The following UGT1A4 variants were observed in gnomAD, a reference collection of about 807,000 sequenced individuals.
The protein encoded by UGT1A4 is UDP-glucuronosyltransferase 1A4.
Under a neutral mutation model 41.1 loss-of-function variants are expected in UGT1A4, and 32 were observed. That is an observed-to-expected ratio of 0.78 (90% CI 0.59 to 1.05). The LOEUF (loss-of-function observed/expected upper bound fraction) is 1.05, where lower values mean the gene tolerates loss of function less well. Among genes scored for constraint, UGT1A4 ranks in the 50% least tolerant of loss-of-function variants. UGT1A4 has a pLI of 0.00. For missense variants in UGT1A4, 748 were observed against 677.4 expected (o/e 1.10, Z -1.16); for synonymous variants, 283 against 265.1 (o/e 1.07, Z -0.66).
At chr2:233,735,312 T>C (rs924133662) in intron 1 of UGT1A4, among the ~76,000 whole-genome samples, 9 of 152,172 alleles carry the variant, frequency 5.9e-5, no homozygotes, top group Admixed American at 1.3e-4. Context: ...GTCTGTTTTA[T>C]CAGAGACTAG....
chr2:233,762,430 C>CCATAAA, intron 1 of UGT1A4, among the ~76,000 whole-genome samples: 1 of 152,296 alleles, frequency 6.6e-6, no homozygotes, highest in African/African-American at 2.4e-5. Context: ...AATAGAGTAA[C>CCATAAA]AGTGTATTCC....
At chr2:233,763,651 C>T (rs1168041564) in intron 1 of UGT1A4, among the ~76,000 whole-genome samples, 2 of 152,174 alleles carry the variant, frequency 1.3e-5, no homozygotes, top group Non-Finnish European at 2.9e-5. Context: ...TCTCAATACT[C>T]TTGATAAAAC....
At chr2:233,744,136 G>C (rs1692703742) in intron 1 of UGT1A4, 1 of 352,210 alleles carries the variant, frequency 2.8e-6, no homozygotes, top group East Asian at 7.7e-5. Flanking sequence ...GTGAGGCCCT[G>C]TGATGCTCCA....
chr2:233,763,503 T>C (rs1459749644), intron 1 of UGT1A4, among the ~76,000 whole-genome samples: 1 of 152,236 alleles, frequency 6.6e-6, no homozygotes, highest in Admixed American at 6.5e-5. Flanking sequence ...GTTTACTTTA[T>C]GTTTAGTTGA....
At chr2:233,721,171 T>A (rs2076925263) in intron 1 of UGT1A4, among the ~76,000 whole-genome samples, 1 of 152,236 alleles carries the variant, frequency 6.6e-6, no homozygotes, top group South Asian at 2.1e-4. Context: ...ATTTTTGTTT[T>A]TGATCAAACC....
chr2:233,766,941 CTT>C (rs1181613767), intron 1 of UGT1A4, 91 bp from the exon 2 acceptor site: 3 of 1,595,132 alleles, frequency 1.9e-6, no homozygotes, highest in African/African-American at 2.7e-5. Flanking sequence ...TAATCATAGT[CTT>C]AAGAGGAAGA....
intron 1 of UGT1A4, among the ~76,000 whole-genome samples, chr2:233,751,872 G>A (rs151015857): frequency 1.6e-4 from 24 of 152,228 alleles, no homozygotes; most frequent in African/African-American, 2.2e-4. Context: ...AAATTACCCC[G>A]TCTTGGGTAT....
chr2:233,721,761 G>T (rs1319151225), intron 1 of UGT1A4: 5 of 472,432 alleles, frequency 1.1e-5, no homozygotes, highest in Admixed American at 8.9e-5. Flanking sequence ...CATCTAAATT[G>T]TTATATTTAG....
rs200752387 is a variant in UGT1A4, at chr2:233,752,746, A to AAAACAAAC, written c.868-14269_868-14262dup. On this transcript the variant is annotated intron_variant, in intron 1 of 4. Coordinates refer to ENST00000373409, the MANE Select transcript of UGT1A4 (RefSeq NM_007120.3). ...AGCTACAGAGAGAGACCCTGTCTCT[A>AAAACAAAC]AAACAAACAAACAAACAAACAAACA... Among the ~76,000 whole-genome samples, 41 of 152,308 alleles carry AAAACAAAC rather than the reference A, an allele frequency of 2.7e-4. No individual in the cohort carries two copies. The East Asian group carries it at 7.3e-3, about 27-fold the overall frequency.
chr2:233,720,342 T>A (rs2076852802), intron 1 of UGT1A4, among the ~76,000 whole-genome samples: 1 of 152,074 alleles, frequency 6.6e-6, no homozygotes, highest in African/African-American at 2.4e-5. Context: ...TTGGAAGGTA[T>A]GGTGATGGTT....
At chr2:233,771,027 G>A (rs186703216) in intron 4 of UGT1A4, 2 of 152,078 alleles carry the variant, frequency 1.3e-5, no homozygotes, top group Admixed American at 6.6e-5. Context: ...GAGAGAGTTG[G>A]GGGGGAAGGT....
chr2:233,724,954 C>G lies in UGT1A4; in HGVS notation c.867+5267C>G, dbSNP rs544768388. ...GACTCCGTCTGCAATCCCGGCACCT[C>G]GGGAGGCCGAGGTTGGCGGATCACT... On this transcript the variant is annotated intron_variant, in intron 1 of 4. Coordinates refer to ENST00000373409, the MANE Select transcript of UGT1A4 (RefSeq NM_007120.3). 1.4e-5 allele frequency among the ~76,000 whole-genome samples: 2 copies of G among 143,932 alleles called. 1 individual carries two copies. Among genetic ancestry groups the G allele is most frequent in the East Asian group, 4.2e-4 (2 of 4,760 alleles). 94.4% of individuals were successfully genotyped at this position (143,932 alleles called of 152,430 possible).
At chr2:233,761,893 A>G (rs1304507847) in intron 1 of UGT1A4, among the ~76,000 whole-genome samples, 1 of 152,212 alleles carries the variant, frequency 6.6e-6, no homozygotes, top group African/African-American at 2.4e-5. Context: ...CTTATCCTGC[A>G]AAGATTGGCT....
At position 233,769,924 on chromosome 2, in the gene UGT1A4, G is replaced by A. The variant is rs1699985317; in HGVS notation, c.1307+1485G>A. On this transcript the variant is annotated intron_variant, in intron 4 of 4. Coordinates refer to ENST00000373409, the MANE Select transcript of UGT1A4 (RefSeq NM_007120.3). This position sits in a 1 kb window ranked among gnomAD's most constrained non-coding sequence, Gnocchi z 4.4. Reference sequence around the variant, plus strand: ...TCATGTGCCCAGAGCGTTGGGTGGTGTGGTCCCATTCCTTCCTTCCAGCGG... The same window carrying A: ...TCATGTGCCCAGAGCGTTGGGTGGTATGGTCCCATTCCTTCCTTCCAGCGG... 1.1e-5 allele frequency: 3 copies of A among 268,160 alleles called. No individual in the cohort carries two copies. In the South Asian group the frequency reaches 2.2e-4, roughly 20 times the overall value. 16.6% of individuals were successfully genotyped at this position (268,160 alleles called of 1,614,324 possible). A position where few individuals can be genotyped will look rare whatever the true frequency, so the allele number is the denominator to read the frequency against.
intron 1 of UGT1A4, among the ~76,000 whole-genome samples, chr2:233,744,904 C>A (rs2125866723): frequency 6.6e-6 from 1 of 151,988 alleles, no homozygotes; most frequent in Middle Eastern, 3.4e-3. Flanking sequence ...ATACCAAAAT[C>A]TAGATGCTCA....
chr2:233,768,439 G>C lies in UGT1A4; in HGVS notation c.1307G>C (p.Ser436Thr), dbSNP rs1306719122. 1 of 1,613,244 alleles carries C rather than the reference G, an allele frequency of 6.2e-7. No homozygotes were observed. The highest frequency in any genetic ancestry group is 1.1e-5 in the South Asian group (1 of 90,868). ...NALKAVINDK[S>T]YKENIMRLSS... ...CTAAAAGCAGTCATCAATGACAAAA[G>C]GTAAGAAAGAAGATACAGAAGAATA... The change falls in exon 4 of 5, where the codon AGT becomes ACT. Residue 436 changes from serine (S) to threonine (T), a missense_variant and splice_region_variant. By Grantham distance (58) the Ser-to-Thr change is moderately conservative. Transcript: ENST00000373409.
intron 1 of UGT1A4, chr2:233,747,471 G>T (rs1218539477): frequency 6.2e-7 from 1 of 1,608,714 alleles, no homozygotes; most frequent in African/African-American, 1.3e-5. Flanking sequence ...ATGGACCCAG[G>T]ATGAATTTGA....
chr2:233,756,397 G>C (rs553407927), intron 1 of UGT1A4: 1 of 151,856 alleles, frequency 6.6e-6, no homozygotes. Flanking sequence ...TACAGTATTG[G>C]TTTTTTATTT....
At position 233,772,561 on chromosome 2, in the gene UGT1A4, A is replaced by C. The variant is rs1287050195; in HGVS notation, c.*2A>C. On this transcript the variant is annotated 3_prime_UTR_variant, in exon 5 of 5. Transcript: ENST00000373409. ...GCCCACAAATCCAAGACCCATTGAG[A>C]AGTGGGTGGGAAATAAGGTAAAATT... The C allele has an allele frequency of 1.2e-6, 2 of 1,613,586 alleles. No individual in the cohort carries two copies. Among genetic ancestry groups the C allele is most frequent in the Non-Finnish European group, 1.7e-6 (2 of 1,179,766 alleles).
Sources: gnomAD v4.1 joint callset for allele counts (sites outside exome capture counted in the v4.1 genomes callset) on GRCh38, gnomAD v4.1.1 for gene constraint, Gnocchi (gnomAD v3.1) non-coding constraint, MANE v1.5 for transcripts, NCBI Gene and HGNC (gene_info 2026-07-23, HGNC 2026-07-21) for gene names.